The following FBXL17 variants were observed in gnomAD, a reference collection of about 807,000 sequenced individuals.
The protein encoded by FBXL17 is F-box and leucine rich repeat protein 17.
Under a neutral mutation model 66.2 loss-of-function variants are expected in FBXL17, and 22 were observed. The observed-to-expected ratio is 0.33, with a 90% CI of 0.24 to 0.47. The LOEUF (loss-of-function observed/expected upper bound fraction) is 0.47. Among genes scored for constraint, FBXL17 ranks in the 20% least tolerant of loss-of-function variants. FBXL17 has a pLI of 1.00. For missense variants in FBXL17, 878 were observed against 948.2 expected (o/e 0.93, Z 0.97); for synonymous variants, 474 against 400.5 (o/e 1.18, Z -2.19).
At chr5:108,030,725 A>T (rs940220440) in intron 6 of FBXL17, among the ~76,000 whole-genome samples, 1 of 152,134 alleles carries the variant, frequency 6.6e-6, no homozygotes, top group Non-Finnish European at 1.5e-5. Context: ...ATTCTGTGAA[A>T]GAAAGATTGA....
chr5:108,037,371 G>T (rs1176853007), intron 6 of FBXL17, among the ~76,000 whole-genome samples: 1 of 152,132 alleles, frequency 6.6e-6, no homozygotes, highest in African/African-American at 2.4e-5. Context: ...ATCACAGTTT[G>T]TCAATGTGAG....
At chr5:108,227,893 CA>C (rs1755165152) in intron 4 of FBXL17, among the ~76,000 whole-genome samples, 1 of 151,912 alleles carries the variant, frequency 6.6e-6, no homozygotes, top group Non-Finnish European at 1.5e-5. Flanking sequence ...CTATTAAAAA[CA>C]AAAAGGGGTA....
chr5:107,971,917 G>A (rs1254452840), intron 7 of FBXL17, among the ~76,000 whole-genome samples: 1 of 152,120 alleles, frequency 6.6e-6, no homozygotes, highest in African/African-American at 2.4e-5. Flanking sequence ...CTAAGCTCCT[G>A]CTCATACCTT....
In FBXL17 at chr5:108,333,680, T is replaced by C. The variant is rs1760242196; in HGVS notation, c.1506+14719A>G. Among the ~76,000 whole-genome samples, 7 of 152,110 alleles carry C rather than the reference T, an allele frequency of 4.6e-5. No individual in the cohort carries two copies. In the South Asian group the frequency reaches 1.5e-3, roughly 32 times the overall value. On this transcript the variant is annotated intron_variant, in intron 4 of 8. Transcript: ENST00000542267. ...ACAGGAAGCTAACAAAAGACAAAAA[T>C]ATCATCCTTCTGGACTTCAGTCACA...
intron 4 of FBXL17, among the ~76,000 whole-genome samples, 173 bp from the exon 5 acceptor site, chr5:108,224,401 T>C (rs1023049702): frequency 3.3e-5 from 5 of 152,002 alleles, no homozygotes; most frequent in Non-Finnish European, 5.9e-5. Context: ...TTAAAAGTCA[T>C]CTCTTGACCC....
chr5:107,861,830 G>T lies in FBXL17; in HGVS notation c.1996C>A (p.Gln666Lys). Reference protein sequence around the residue: ...VNEVTVEQLVQQYPHITFSTV... With the variant: ...VNEVTVEQLVKQYPHITFSTV... Reference sequence around the variant, plus strand: ...CTGAAGGTGATGTGGGGGTACTGCTGCACCAGCTGTTCCACCGTCACTTCG... The same window carrying T: ...CTGAAGGTGATGTGGGGGTACTGCTTCACCAGCTGTTCCACCGTCACTTCG... The change falls in exon 9 of 9, where the codon CAG becomes AAG. Residue 666 changes from glutamine to lysine, a missense_variant. By Grantham distance (53) the Gln-to-Lys change is moderately conservative. Coordinates refer to ENST00000542267, the MANE Select transcript of FBXL17 (RefSeq NM_001163315.3). 6.4e-7 allele frequency: 1 copy of T among 1,555,552 alleles called. No homozygotes were observed.
chr5:108,158,423 T>C (rs1338886487), intron 6 of FBXL17, among the ~76,000 whole-genome samples: 1 of 152,144 alleles, frequency 6.6e-6, no homozygotes, highest in Non-Finnish European at 1.5e-5. Context: ...GGAAGTAGTG[T>C]GTCTTAAAAT....
chr5:108,298,130 T>C (rs1457704699), intron 4 of FBXL17: 9 of 967,206 alleles, frequency 9.3e-6, no homozygotes, highest in Non-Finnish European at 1.1e-5. Context: ...ATATAACTAA[T>C]TTGTTTTTCT....
intron 6 of FBXL17, among the ~76,000 whole-genome samples, chr5:108,170,383 T>C (rs286772): frequency 0.018 from 2,795 of 152,252 alleles, 93 homozygotes; most frequent in African/African-American, 0.063. Flanking sequence ...AATCACCAAC[T>C]AATATTAACT....
At chr5:108,125,834 C>G (rs938696363) in intron 6 of FBXL17, among the ~76,000 whole-genome samples, 4 of 152,092 alleles carry the variant, frequency 2.6e-5, no homozygotes, top group African/African-American at 9.6e-5. Context: ...AATTATCATT[C>G]AAAATATATC....
chr5:107,878,769 G>A (rs1748691178), intron 8 of FBXL17: 2 of 985,430 alleles, frequency 2.0e-6, no homozygotes, highest in Admixed American at 1.2e-4. Context: ...GTGTGGTTTG[G>A]AACTGTCTTC....
At chr5:108,290,475 A>G (rs1758066523) in intron 4 of FBXL17, among the ~76,000 whole-genome samples, 1 of 152,152 alleles carries the variant, frequency 6.6e-6, no homozygotes, top group African/African-American at 2.4e-5. Context: ...GTGTTCTTCA[A>G]AATTATTTGG....
chr5:108,241,294 C>T (rs951590265), intron 4 of FBXL17, among the ~76,000 whole-genome samples: 5 of 152,088 alleles, frequency 3.3e-5, no homozygotes, highest in Non-Finnish European at 7.4e-5. Flanking sequence ...ACAAGTTTAA[C>T]AAAGAGACTA....
At chr5:108,369,463 G>C (rs184954320) in intron 1 of FBXL17, among the ~76,000 whole-genome samples, 1 of 152,148 alleles carries the variant, frequency 6.6e-6, no homozygotes, top group Non-Finnish European at 1.5e-5. Context: ...ATGTGGCTCA[G>C]AGTAAATCTC....
chr5:108,340,036 G>T (rs183534324), intron 4 of FBXL17, among the ~76,000 whole-genome samples: 2 of 151,098 alleles, frequency 1.3e-5, no homozygotes, highest in East Asian at 3.9e-4. Flanking sequence ...GGCACACAGG[G>T]AAAGAAAAAA....
intron 4 of FBXL17, among the ~76,000 whole-genome samples, chr5:108,304,738 C>T (rs1758757921): frequency 6.6e-6 from 1 of 151,802 alleles, no homozygotes; most frequent in South Asian, 2.1e-4. Flanking sequence ...TCTCTCTCTC[C>T]CTCATTTGGT....
intron 6 of FBXL17, among the ~76,000 whole-genome samples, chr5:108,181,411 C>G (rs1160298308): frequency 6.6e-6 from 1 of 151,994 alleles, no homozygotes; most frequent in Admixed American, 6.6e-5. Flanking sequence ...AAGAAAATAT[C>G]ATGCTGTTTA....
chr5:108,039,562 T>C (rs1746970115), intron 6 of FBXL17, among the ~76,000 whole-genome samples: 1 of 152,080 alleles, frequency 6.6e-6, no homozygotes, highest in South Asian at 2.1e-4. Context: ...TAAAATAAAA[T>C]TACTTCCCAA....
intron 5 of FBXL17, among the ~76,000 whole-genome samples, chr5:108,213,021 G>A (rs1207367724): frequency 6.6e-6 from 1 of 152,134 alleles, no homozygotes; most frequent in Non-Finnish European, 1.5e-5. Flanking sequence ...GCCCAGAGAA[G>A]AGGAATCTAG....
Sources: gnomAD v4.1 joint callset for allele counts (sites outside exome capture counted in the v4.1 genomes callset) on GRCh38, gnomAD v4.1.1 for gene constraint, MANE v1.5 for transcripts, NCBI Gene and HGNC (gene_info 2026-07-23, HGNC 2026-07-21) for gene names.